SLC8A1: variants seen among roughly 807,000 people sequenced by gnomAD.
SLC8A1 encodes solute carrier family 8 member A1, also known as sodium/calcium exchanger 1.
A neutral mutation model predicts 68.3 loss-of-function variants in SLC8A1; 18 were observed. The observed-to-expected ratio is 0.26, with a 90% CI of 0.18 to 0.39. The LOEUF is 0.39. Among genes scored for constraint, SLC8A1 ranks in the 10% least tolerant of loss-of-function variants. The pLI is 1.00. For missense variants in SLC8A1, 985 were observed against 1,156.7 expected (o/e 0.85, Z 2.15); for synonymous variants, 475 against 415.5 (o/e 1.14, Z -1.74).
At chr2:40,386,832 T>C (rs952635364) in intron 2 of SLC8A1, among the ~76,000 whole-genome samples, 14 of 151,068 alleles carry the variant, frequency 9.3e-5, no homozygotes, top group African/African-American at 3.5e-4. Context: ...CCCCTTGACA[T>C]AAATAATGTA....
chr2:40,312,124 A>C (rs968785873), intron 2 of SLC8A1, among the ~76,000 whole-genome samples: 1 of 152,124 alleles, frequency 6.6e-6, no homozygotes, highest in Non-Finnish European at 1.5e-5. Context: ...ATTGTATTTG[A>C]AACAAGCAAG....
intron 1 of SLC8A1, among the ~76,000 whole-genome samples, chr2:40,501,803 T>C (rs1374212880): frequency 1.3e-5 from 2 of 152,090 alleles, no homozygotes; most frequent in African/African-American, 4.8e-5. Flanking sequence ...ATGTGGGACC[T>C]GACAAAAGCT....
intron 2 of SLC8A1, among the ~76,000 whole-genome samples, chr2:40,236,584 C>A (rs1297410750): frequency 5.3e-5 from 8 of 150,064 alleles, no homozygotes; most frequent in African/African-American, 7.3e-5. Context: ...TTAATTGGAG[C>A]ATTTAGTCCA....
intron 2 of SLC8A1, among the ~76,000 whole-genome samples, chr2:40,399,230 C>G (rs1035521996): frequency 3.3e-5 from 5 of 152,126 alleles, no homozygotes; most frequent in Non-Finnish European, 7.3e-5. Flanking sequence ...ATCTAGACAG[C>G]AATCTGCAGC....
At chr2:40,191,871 G>A (rs679339) in intron 2 of SLC8A1, among the ~76,000 whole-genome samples, 17,618 of 152,086 alleles carry the variant, frequency 0.12, 1,159 homozygotes, top group Middle Eastern at 0.2. Flanking sequence ...ATAGGGAAAC[G>A]TTGTTTTGAG....
rs562519846 is a variant in SLC8A1 at position 40,294,216 on chromosome 2, A to C, written c.1809-116361T>G. Among the ~76,000 whole-genome samples, 72 of 152,276 alleles carry C rather than the reference A, an allele frequency of 4.7e-4. 1 individual carries two copies. The highest frequency in any genetic ancestry group is 1.7e-3 in the African/African-American group (70 of 41,576). On this transcript the variant is annotated intron_variant, in intron 2 of 7. Transcript: ENST00000406785. ...AGTGCATAAAGATTTTTAATGCAGCATCATTTTTTTAAGTTGGAAACAACT... is the reference window on the plus strand; with the variant it reads ...AGTGCATAAAGATTTTTAATGCAGCCTCATTTTTTTAAGTTGGAAACAACT...
intron 2 of SLC8A1, among the ~76,000 whole-genome samples, chr2:40,330,290 A>C (rs371249894): frequency 6.6e-6 from 1 of 152,240 alleles, no homozygotes; most frequent in African/African-American, 2.4e-5. Context: ...TAAAATGATG[A>C]GGATAAATGG....
intron 6 of SLC8A1, among the ~76,000 whole-genome samples, chr2:40,152,613 G>A (rs1199489023): frequency 3.4e-5 from 5 of 148,274 alleles, no homozygotes; most frequent in Non-Finnish European, 5.9e-5. Flanking sequence ...ACAGAGTTTC[G>A]CCGTGTAGAC....
At chr2:40,486,510 C>G (rs191892020) in intron 1 of SLC8A1, among the ~76,000 whole-genome samples, 1 of 152,274 alleles carries the variant, frequency 6.6e-6, no homozygotes, top group East Asian at 1.9e-4. Context: ...ATTCCTCTTT[C>G]TAACAAATAA....
intron 6 of SLC8A1, among the ~76,000 whole-genome samples, chr2:40,157,858 T>G (rs567680612): frequency 6.6e-6 from 1 of 152,300 alleles, no homozygotes; most frequent in South Asian, 2.1e-4. Context: ...CTCTGGATTC[T>G]CATAAATCCT....
At chr2:40,329,478 T>C (rs552350517) in intron 2 of SLC8A1, among the ~76,000 whole-genome samples, 1 of 152,322 alleles carries the variant, frequency 6.6e-6, no homozygotes, top group Non-Finnish European at 1.5e-5. Context: ...TATTGGAAGA[T>C]CTCTTGCTAA....
chr2:40,218,908 G>C (rs1017628266), intron 2 of SLC8A1, among the ~76,000 whole-genome samples: 1 of 152,128 alleles, frequency 6.6e-6, no homozygotes, highest in African/African-American at 2.4e-5. Context: ...CAACGTTTGT[G>C]GCAGGGAGTT....
intron 5 of SLC8A1, among the ~76,000 whole-genome samples, chr2:40,162,853 G>T (rs1032005566): frequency 6.6e-6 from 1 of 152,132 alleles, no homozygotes; most frequent in Non-Finnish European, 1.5e-5. Flanking sequence ...TAGTAAATAA[G>T]AACTCAGTGG....
intron 2 of SLC8A1, among the ~76,000 whole-genome samples, chr2:40,383,220 C>T (rs932187731): frequency 6.6e-6 from 1 of 152,050 alleles, no homozygotes; most frequent in African/African-American, 2.4e-5. Flanking sequence ...ATGAATTTTT[C>T]ACATTTTTTT....
chr2:40,320,457 G>A (rs2149337877), intron 2 of SLC8A1, among the ~76,000 whole-genome samples: 1 of 152,126 alleles, frequency 6.6e-6, no homozygotes, highest in East Asian at 1.9e-4. Flanking sequence ...AGTTGTGTGT[G>A]TTTCATGTTG....
intron 2 of SLC8A1, among the ~76,000 whole-genome samples, chr2:40,339,159 CT>C (rs751425626): frequency 6.6e-6 from 1 of 152,156 alleles, no homozygotes; most frequent in Non-Finnish European, 1.5e-5. Flanking sequence ...TCTCATGTTT[CT>C]TTTAGTTCTT....
At chr2:40,506,466 A>G (rs1706376629) in intron 1 of SLC8A1, among the ~76,000 whole-genome samples, 1 of 151,964 alleles carries the variant, frequency 6.6e-6, no homozygotes, top group South Asian at 2.1e-4. Flanking sequence ...CATAAATGTT[A>G]TGTAAATTTA....
At chr2:40,237,968 A>G (rs2060637371) in intron 2 of SLC8A1, among the ~76,000 whole-genome samples, 1 of 151,706 alleles carries the variant, frequency 6.6e-6, no homozygotes, top group Non-Finnish European at 1.5e-5. Context: ...CCGTTCTCAG[A>G]TCTCCAGCTG....
rs1489262298 is a variant in SLC8A1 at position 40,462,613 on chromosome 2, GCCTGAGCAAC to G, written c.-24-32319_-24-32310del. ...CGCTTAGCCCAGGAGTTCGAGACCA[GCCTGAGCAAC>G]CTAGTGAGAACTCATCTCAATAAAA... On this transcript the variant is annotated intron_variant, in intron 1 of 7. Transcript: ENST00000402441. Among the ~76,000 whole-genome samples the G allele has an allele frequency of 2.0e-5, 3 of 151,654 alleles. No homozygotes were observed. In the East Asian group the frequency reaches 5.9e-4, roughly 30 times the overall value.
Sources: allele counts gnomAD v4.1 joint callset (sites outside exome capture counted in the v4.1 genomes callset), GRCh38; gene constraint gnomAD v4.1.1; transcripts MANE v1.5; gene names NCBI Gene and HGNC (gene_info 2026-07-23, HGNC 2026-07-21).